The following UNC93A variants were observed in gnomAD, a reference collection of about 807,000 sequenced individuals.
The protein encoded by UNC93A is unc-93 homolog A, also known as N-acetylglucosamine transporter UNC93A.
In UNC93A, 43 loss-of-function variants were observed where a neutral mutation model predicts 47.5. The observed-to-expected ratio is 0.91, with a 90% confidence interval of 0.71 to 1.17. The LOEUF (loss-of-function observed/expected upper bound fraction) is 1.17. Ranked by LOEUF, UNC93A falls within the 50% of genes most tolerant of loss-of-function variation. UNC93A has a pLI of 0.00. For missense variants in UNC93A, 605 were observed against 577.6 expected (o/e 1.05, Z -0.49); for synonymous variants, 280 against 258.0 (o/e 1.09, Z -0.82).
rs756461200 is a variant in UNC93A at position 167,306,016 on chromosome 6, G to T, written c.942G>T (p.Ser314=). Reference sequence around the variant, plus strand: ...GCTCCGTGTTGTATGGAAAGGTCTCGCAGTACACGGGCAGGGCTGTGCTGT... The same window carrying T: ...GCTCCGTGTTGTATGGAAAGGTCTCTCAGTACACGGGCAGGGCTGTGCTGT... ...ALCSVLYGKV[S]QYTGRAVLYV... Residue 314 remains serine, a synonymous_variant, in exon 6 of 8, where the codon TCG becomes TCT. Transcript: ENST00000230256. 6.2e-7 allele frequency: 1 copy of T among 1,614,172 alleles called. No homozygotes were observed. Among genetic ancestry groups the T allele is most frequent in the Non-Finnish European group, 8.5e-7 (1 of 1,180,050 alleles).
rs1468120335 is a variant in UNC93A, at chr6:167,315,056, T to C, written c.1109-131T>C. 66 of 1,331,816 alleles carry C rather than the reference T, an allele frequency of 5.0e-5. No homozygotes were observed. The East Asian group carries it at 1.6e-3, about 31-fold the overall frequency. The allele number at this position is 1,331,816 out of a possible 1,614,324, so 82.5% of individuals were successfully genotyped here. On this transcript the variant is annotated intron_variant, in intron 7 of 7. Transcript: ENST00000230256. ...GCTATCATCTGGCATGTAAAATCAT[T>C]CTGTTGTGAAAAAAGAAAAATGTCT...
chr6:167,273,677 A>G (rs13211616), intron 1 of UNC93A, among the ~76,000 whole-genome samples: 107,156 of 150,488 alleles, frequency 0.71, 38,612 homozygotes, highest in African/African-American at 0.84. Context: ...TACATGCTAT[A>G]GGGCATAAGG....
intron 1 of UNC93A, among the ~76,000 whole-genome samples, chr6:167,282,353 T>TGCACA (rs1429279844): frequency 5.4e-4 from 82 of 151,612 alleles, no homozygotes; most frequent in Admixed American, 1.8e-3. Flanking sequence ...CCTGATGGGG[T>TGCACA]CAAGAGAAAG....
At chr6:167,291,185 C>T (rs111853538), upstream of UNC93A, 4,169 of 229,022 alleles carry the variant, frequency 0.018, 80 homozygotes, top group East Asian at 0.055. Context: ...AGGAAAAAAG[C>T]GCAATTAACT....
chr6:167,270,320 C>G (rs955051021), upstream of UNC93A, among the ~76,000 whole-genome samples: 1 of 152,116 alleles, frequency 6.6e-6, no homozygotes, highest in South Asian at 2.1e-4. Context: ...GTCAGCCAGG[C>G]GTCATAATCA....
At chr6:167,270,854 C>T (rs1783440140), upstream of UNC93A, among the ~76,000 whole-genome samples, 2 of 152,226 alleles carry the variant, frequency 1.3e-5, no homozygotes, top group African/African-American at 2.4e-5. Context: ...CCTGGCCCGG[C>T]TGACACCGTG....
At position 167,315,441 on chromosome 6, in the gene UNC93A, AC is replaced by A; in HGVS notation, c.1364del (p.Thr455LysfsTer12). 1 of 1,613,976 alleles carries A rather than the reference AC, an allele frequency of 6.2e-7. No individual in the cohort carries two copies. Among genetic ancestry groups the A allele is most frequent in the Non-Finnish European group, 8.5e-7 (1 of 1,179,874 alleles). The stretch of plus-strand genomic sequence containing the variant: ...CCAGGCAGAGGATGAAGAAATACAA[AC>A]AAAAATGTGAGAGCAGTGAGGTCCG... ...VNQAEDEEIQ[T>X]KM On this transcript the variant is annotated frameshift_variant, in exon 8 of 8. Coordinates refer to ENST00000230256, the MANE Select transcript of UNC93A (RefSeq NM_018974.4). LOFTEE classifies it high-confidence loss of function.
Position 167,315,184 on chromosome 6 carries a change from C to A in UNC93A, c.1109-3C>A. The A allele has an allele frequency of 3.1e-6, 5 of 1,613,340 alleles. No homozygotes were observed. In the South Asian group the frequency reaches 4.4e-5, roughly 14 times the overall value. ...AGCTCTCACTCCGCTCTCTCCTCTGCAGCTCTCTACGGCGTTCTGTTTGAG... is the reference window on the plus strand; with the variant it reads ...AGCTCTCACTCCGCTCTCTCCTCTGAAGCTCTCTACGGCGTTCTGTTTGAG... On this transcript the variant is annotated splice_polypyrimidine_tract_variant and splice_region_variant and intron_variant, in intron 7 of 7. Transcript: ENST00000230256.
At chr6:167,297,864 C>T (rs988505437) in intron 3 of UNC93A, 81 bp from the exon 4 acceptor site, 69 of 1,555,010 alleles carry the variant, frequency 4.4e-5, no homozygotes, top group Admixed American at 8.7e-5. Flanking sequence ...GTCCTTTCCA[C>T]TGTCACTTTG....
upstream of UNC93A, among the ~76,000 whole-genome samples, chr6:167,290,189 C>T (rs2115106087): frequency 6.6e-6 from 1 of 152,308 alleles, no homozygotes; most frequent in South Asian, 2.1e-4. Context: ...TGTTTCCATG[C>T]TCAGAATCCC....
chr6:167,283,446 T>G (rs1213021162), intron 1 of UNC93A, among the ~76,000 whole-genome samples: 1 of 152,146 alleles, frequency 6.6e-6, no homozygotes, highest in Admixed American at 6.5e-5. Flanking sequence ...TTGTTAGGAT[T>G]CTATGGAATC....
chr6:167,289,348 A>T (rs534442698), upstream of UNC93A, among the ~76,000 whole-genome samples: 24 of 152,294 alleles, frequency 1.6e-4, no homozygotes, highest in East Asian at 1.7e-3. Context: ...CCTCTAAGAG[A>T]AGCATTTTAT....
chr6:167,300,106 C>A (rs191212044), intron 4 of UNC93A, among the ~76,000 whole-genome samples: 2 of 152,192 alleles, frequency 1.3e-5, no homozygotes, highest in East Asian at 3.9e-4. Context: ...TGAGCTCAGG[C>A]CGGGAACACC....
chr6:167,296,285 T>C (rs1184237380), intron 3 of UNC93A, 24 bp downstream of exon 3: 1 of 1,612,070 alleles, frequency 6.2e-7, no homozygotes, highest in South Asian at 1.1e-5. Flanking sequence ...GGGCAAGCAA[T>C]TGTCTCCAAG....
intron 3 of UNC93A, 117 bp from the exon 4 acceptor site, chr6:167,297,828 G>C (rs749041936): frequency 2.9e-5 from 39 of 1,361,248 alleles, no homozygotes; most frequent in Non-Finnish European, 3.7e-5. Context: ...GTGACCTGTA[G>C]TGATGCCTCC....
At chr6:167,290,550 C>T (rs1783822347), upstream of UNC93A, among the ~76,000 whole-genome samples, 2 of 152,184 alleles carry the variant, frequency 1.3e-5, no homozygotes, top group Non-Finnish European at 2.9e-5. Context: ...TGGTAAGTTG[C>T]TTAAAGCTCC....
At chr6:167,297,460 A>G (rs570137606) in intron 3 of UNC93A, among the ~76,000 whole-genome samples, 2 of 152,148 alleles carry the variant, frequency 1.3e-5, no homozygotes, top group Non-Finnish European at 2.9e-5. Flanking sequence ...GCTAATTCAA[A>G]TTGTATTTTT....
At chr6:167,308,756 C>T (rs977966295) in intron 7 of UNC93A, among the ~76,000 whole-genome samples, 1 of 152,086 alleles carries the variant, frequency 6.6e-6, no homozygotes, top group Non-Finnish European at 1.5e-5. Context: ...AAAGCGCTGA[C>T]ACCCAGGAGT....
chr6:167,293,186 A>C (rs1783881583), intron 1 of UNC93A, among the ~76,000 whole-genome samples: 1 of 152,148 alleles, frequency 6.6e-6, no homozygotes, highest in Admixed American at 6.5e-5. Flanking sequence ...TGAGCTCCGC[A>C]GCTGTGAGCA....
Sources: gnomAD v4.1 joint callset for allele counts (sites outside exome capture counted in the v4.1 genomes callset) on GRCh38, gnomAD v4.1.1 for gene constraint, MANE v1.5 for transcripts, NCBI Gene and HGNC (gene_info 2026-07-23, HGNC 2026-07-21) for gene names.